The following DCBLD2 variants were observed in gnomAD, a reference collection of about 807,000 sequenced individuals.
DCBLD2 encodes the protein discoidin, CUB and LCCL domain containing 2.
Under a neutral mutation model 86.8 loss-of-function variants are expected in DCBLD2, and 54 were observed. The ratio of observed to expected loss-of-function variants is 0.62; its 90% CI spans 0.50 to 0.78. The LOEUF is 0.78. Among genes scored for constraint, DCBLD2 ranks in the 30% least tolerant of loss-of-function variants. The probability of loss-of-function intolerance (pLI) is 0.00; values close to 1 mark genes in which losing one functional copy is unlikely to be tolerated. For missense variants in DCBLD2, 908 were observed against 954.2 expected, an observed-to-expected ratio of 0.95 and a Z score of 0.64; for synonymous variants, 354 against 341.3, an observed-to-expected ratio of 1.04 and a Z score of -0.41.
intron 2 of DCBLD2, among the ~76,000 whole-genome samples, chr3:98,862,576 C>T (rs181520881): frequency 6.6e-6 from 1 of 152,230 alleles, no homozygotes; most frequent in East Asian, 1.9e-4. Flanking sequence ...TATGCAAATC[C>T]ATAAACGTAA....
chr3:98,810,931 G>C (rs1941927271), intron 12 of DCBLD2, among the ~76,000 whole-genome samples: 1 of 152,106 alleles, frequency 6.6e-6, no homozygotes, highest in Non-Finnish European at 1.5e-5. Flanking sequence ...ATGTTTAGCT[G>C]TAAGGAACAA....
rs911656339 is a variant in DCBLD2 at position 98,881,662 on chromosome 3, C to T, written c.311G>A (p.Arg104His). ...PNSTVCEWEI[R>H]VKMGERVRIK... ...GCGAACTCTCTCTCCCATCTTTACA[C>T]GGATCTCCCATTCACAAACAGTGCT... Residue 104 changes from arginine (R) to histidine (H), a missense_variant, in exon 2 of 16, where the codon CGT (arginine) becomes CAT (histidine). Physicochemically the swap from Arg to His is conservative, Grantham distance 29. Coordinates refer to ENST00000326840, the MANE Select transcript of DCBLD2 (RefSeq NM_080927.4). 1.1e-5 allele frequency: 18 copies of T among 1,613,794 alleles called. 2 individuals are homozygous for T. In the South Asian group the frequency reaches 1.6e-4, roughly 15 times the overall value.
In DCBLD2 at chr3:98,795,989, A is replaced by G. The variant is rs1032662942; in HGVS notation, c.*3383T>C. The G allele has an allele frequency of 1.3e-5, 2 of 152,658 alleles. No homozygotes were observed. The highest frequency in any genetic ancestry group is 2.9e-5 in the Non-Finnish European group (2 of 68,052). The allele number at this position is 152,658 out of a possible 1,614,324, so 9.5% of individuals were successfully genotyped here. On this transcript the variant is annotated 3_prime_UTR_variant, in exon 16 of 16. Coordinates refer to ENST00000326840, the MANE Select transcript of DCBLD2 (RefSeq NM_080927.4). ...GCATTTTATAGTATAAGGAAAAGCT[A>G]CAAACCTCAAGGTTGTTTTATTTAA...
chr3:98,809,274 C>T (rs1439032394), intron 12 of DCBLD2, among the ~76,000 whole-genome samples: 1 of 152,160 alleles, frequency 6.6e-6, no homozygotes, highest in Non-Finnish European at 1.5e-5. Flanking sequence ...ATAATAGCAG[C>T]ACCTGCTGAT....
In DCBLD2 at chr3:98,901,198, G is replaced by A. The variant is rs1207772434; in HGVS notation, c.129C>T (p.Ser43=). The A allele has an allele frequency of 2.0e-6, 3 of 1,536,640 alleles. No homozygotes were observed. Among genetic ancestry groups the A allele is most frequent in the Admixed American group, 2.0e-5 (1 of 50,994 alleles). ...SRSLPPCSNS[S]SFSMPLFLLL... ...GGAGGAACAGAGGCATGGAGAAGGA[G>A]GAGGAGTTGGAGCAGGGAGGGAGGG... Residue 43 remains serine, a synonymous_variant, in exon 1 of 16, where the codon TCC becomes TCT. Coordinates refer to ENST00000326840, the MANE Select transcript of DCBLD2 (RefSeq NM_080927.4).
chr3:98,869,593 A>G (rs186280845), intron 2 of DCBLD2, among the ~76,000 whole-genome samples: 33 of 152,320 alleles, frequency 2.2e-4, no homozygotes, highest in Admixed American at 2.0e-3. Context: ...CCTGTTTTCA[A>G]AAAAAGGTGT....
At chr3:98,842,791 T>C (rs1942644224) in intron 3 of DCBLD2, among the ~76,000 whole-genome samples, 1 of 152,124 alleles carries the variant, frequency 6.6e-6, no homozygotes, top group Non-Finnish European at 1.5e-5. Flanking sequence ...CTCCATACAC[T>C]AAAAAATGAA....
intron 1 of DCBLD2, chr3:98,895,504 AATCTTATG>A (rs1355209346): frequency 6.6e-6 from 1 of 152,200 alleles, no homozygotes; most frequent in African/African-American, 2.4e-5. Flanking sequence ...CCCAGGTTAT[AATCTTATG>A]ATCTTACTCT....
intron 3 of DCBLD2, among the ~76,000 whole-genome samples, chr3:98,827,928 T>G (rs1942250279): frequency 6.6e-6 from 1 of 152,110 alleles, no homozygotes; most frequent in South Asian, 2.1e-4. Context: ...ACCCTCAAAT[T>G]TATAGTCAAC....
intron 1 of DCBLD2, among the ~76,000 whole-genome samples, chr3:98,888,767 T>C (rs1405205439): frequency 6.6e-6 from 1 of 152,024 alleles, no homozygotes; most frequent in Non-Finnish European, 1.5e-5. Flanking sequence ...TTCTAGTGTC[T>C]TGTAGAAAGT....
At chr3:98,839,102 C>CTTCT (rs148957784) in intron 3 of DCBLD2, among the ~76,000 whole-genome samples, 8,742 of 125,702 alleles carry the variant, frequency 0.07, 757 homozygotes, top group African/African-American at 0.19. Context: ...CCTGTGCTCC[C>CTTCT]TTCTTTCTTT....
chr3:98,855,313 C>G (rs577562443), intron 2 of DCBLD2, among the ~76,000 whole-genome samples: 3 of 152,270 alleles, frequency 2.0e-5, no homozygotes, highest in African/African-American at 7.2e-5. Flanking sequence ...CACACCAGAA[C>G]AGTTAACATG....
chr3:98,890,809 G>C (rs1943647615), intron 1 of DCBLD2, among the ~76,000 whole-genome samples: 1 of 152,028 alleles, frequency 6.6e-6, no homozygotes, highest in African/African-American at 2.4e-5. Flanking sequence ...ATTCTTCAGA[G>C]TTCTTTCCCC....
intron 8 of DCBLD2, 111 bp from the exon 9 acceptor site, chr3:98,818,004 G>T: frequency 7.5e-7 from 1 of 1,338,222 alleles, no homozygotes; most frequent in South Asian, 1.4e-5. Flanking sequence ...TCTAATTATG[G>T]CTCATTTCCA....
At chr3:98,845,270 A>G (rs1457366201) in intron 3 of DCBLD2, among the ~76,000 whole-genome samples, 15 of 152,172 alleles carry the variant, frequency 9.9e-5, no homozygotes. Flanking sequence ...TAGAAATGAA[A>G]GTGGAAGAGG....
intron 3 of DCBLD2, among the ~76,000 whole-genome samples, chr3:98,844,031 CAT>C (rs1942671182): frequency 1.1e-5 from 1 of 89,472 alleles, no homozygotes; most frequent in Non-Finnish European, 2.3e-5. Flanking sequence ...TCCAATCATG[CAT>C]GCACACACAC....
intron 2 of DCBLD2, among the ~76,000 whole-genome samples, chr3:98,871,049 C>T (rs1943275090): frequency 6.7e-6 from 1 of 149,256 alleles, no homozygotes; most frequent in South Asian, 2.1e-4. Flanking sequence ...TTTTTTGCAA[C>T]AATTGTAAAT....
At chr3:98,858,112 C>A (rs891375935) in intron 2 of DCBLD2, among the ~76,000 whole-genome samples, 1 of 152,242 alleles carries the variant, frequency 6.6e-6, no homozygotes, top group Non-Finnish European at 1.5e-5. Context: ...CCGAGCCCTG[C>A]CCCACGGGGA....
chr3:98,834,970 CTT>C (rs778620627), intron 3 of DCBLD2, among the ~76,000 whole-genome samples: 6 of 134,438 alleles, frequency 4.5e-5, no homozygotes, highest in Admixed American at 1.5e-4. Context: ...CTTGCACATT[CTT>C]TTTTTTTTTT....
Sources: allele counts gnomAD v4.1 joint callset (sites outside exome capture counted in the v4.1 genomes callset), GRCh38; gene constraint gnomAD v4.1.1; transcripts MANE v1.5; gene names NCBI Gene and HGNC (gene_info 2026-07-23, HGNC 2026-07-21).